AKAP7: variants seen among roughly 807,000 people sequenced by gnomAD.
AKAP7 encodes A kinase (PRKA) anchor protein 7.
A neutral mutation model predicts 39.5 loss-of-function variants in AKAP7; 39 were observed. The observed-to-expected ratio is 0.99, with a 90% CI of 0.76 to 1.29. AKAP7 has a LOEUF of 1.29. Among genes scored for constraint, AKAP7 ranks in the 50% most tolerant of loss-of-function variants. The pLI, the probability that AKAP7 is intolerant of heterozygous loss-of-function variation, is 0.00. For synonymous variants in AKAP7, 140 were observed against 139.1 expected (o/e 1.01, Z -0.05); for missense variants, 414 against 407.7 (o/e 1.02, Z -0.13).
chr6:131,248,960 T>C (rs1042434575), intron 7 of AKAP7, among the ~76,000 whole-genome samples: 1 of 152,226 alleles, frequency 6.6e-6, no homozygotes, highest in Non-Finnish European at 1.5e-5. Context: ...AAAAGTGGAA[T>C]TTTACTTAAA....
At chr6:131,238,866 GC>G (rs1461299646) in intron 7 of AKAP7, among the ~76,000 whole-genome samples, 1 of 152,128 alleles carries the variant, frequency 6.6e-6, no homozygotes, top group East Asian at 1.9e-4. Context: ...TATCCAATTT[GC>G]CAGTCCGTGT....
chr6:131,205,186 A>G (rs551702977), intron 6 of AKAP7, among the ~76,000 whole-genome samples: 13 of 152,298 alleles, frequency 8.5e-5, no homozygotes, highest in African/African-American at 3.1e-4. Flanking sequence ...TGATAAACCA[A>G]TTGAGATTTT....
chr6:131,220,133 C>T (rs1015551906), intron 7 of AKAP7, among the ~76,000 whole-genome samples: 7 of 152,138 alleles, frequency 4.6e-5, no homozygotes, highest in Non-Finnish European at 1.0e-4. Flanking sequence ...CAGGGAAGGC[C>T]TCCATGACCT....
chr6:131,232,799 A>G (rs1810735314), intron 7 of AKAP7, among the ~76,000 whole-genome samples: 1 of 152,128 alleles, frequency 6.6e-6, no homozygotes, highest in African/African-American at 2.4e-5. Context: ...CAAAAAAAGA[A>G]AAAAGAAAAT....
Position 131,246,970 on chromosome 6 carries a change from C to T in AKAP7, c.850+27162C>T, listed in dbSNP as rs189597030. Reference sequence around the variant, plus strand: ...CAGATCCCCTTATTGTCAATACTCTCCAAAAGATTTCACCCAAGTTACTTT... The same window carrying T: ...CAGATCCCCTTATTGTCAATACTCTTCAAAAGATTTCACCCAAGTTACTTT... On this transcript the variant is annotated intron_variant, in intron 7 of 7. Coordinates refer to ENST00000431975, the MANE Select transcript of AKAP7 (RefSeq NM_016377.4). 2.2e-4 allele frequency among the ~76,000 whole-genome samples: 34 copies of T among 152,026 alleles called. No individual in the cohort carries two copies. In the Middle Eastern group the frequency reaches 0.014, roughly 61 times the overall value.
chr6:131,241,627 G>GTGTGTGTATA, intron 7 of AKAP7, among the ~76,000 whole-genome samples: 19 of 86,670 alleles, frequency 2.2e-4, no homozygotes, highest in Admixed American at 1.1e-3. Context: ...GTGTGTGTGT[G>GTGTGTGTATA]TATATATATA....
intron 5 of AKAP7, among the ~76,000 whole-genome samples, chr6:131,191,844 T>TG (rs375625225): frequency 8.4e-4 from 122 of 144,656 alleles, no homozygotes; most frequent in African/African-American, 2.8e-3. Context: ...GTCCTCGTGG[T>TG]GTTTTTTTTT....
At chr6:131,264,554 G>A (rs1263423000) in intron 7 of AKAP7, among the ~76,000 whole-genome samples, 2 of 152,144 alleles carry the variant, frequency 1.3e-5, no homozygotes, top group East Asian at 3.8e-4. Context: ...GCTTACAGAA[G>A]TGTTTATCAG....
chr6:131,276,163 A>G (rs1193812962), intron 7 of AKAP7, among the ~76,000 whole-genome samples: 1 of 152,258 alleles, frequency 6.6e-6, no homozygotes. Flanking sequence ...TGAATCTAGA[A>G]TAAACCTTAC....
upstream of AKAP7, among the ~76,000 whole-genome samples, chr6:131,133,468 G>A (rs533666956): frequency 1.3e-5 from 2 of 152,302 alleles, no homozygotes; most frequent in South Asian, 4.1e-4. Context: ...ATTTCTAAAA[G>A]AAGCTCTGTG....
intron 5 of AKAP7, among the ~76,000 whole-genome samples, chr6:131,190,434 G>A (rs985785289): frequency 2.0e-5 from 3 of 152,060 alleles, no homozygotes; most frequent in Non-Finnish European, 4.4e-5. Flanking sequence ...CTTGAGGCCA[G>A]GAGTGCAAGA....
At chr6:131,276,263 G>T (rs1814729862) in intron 7 of AKAP7, among the ~76,000 whole-genome samples, 1 of 152,156 alleles carries the variant, frequency 6.6e-6, no homozygotes, top group Non-Finnish European at 1.5e-5. Flanking sequence ...ATTTTCTGGT[G>T]TGTATGTGTT....
chr6:131,225,100 C>T (rs1017000892), intron 7 of AKAP7, among the ~76,000 whole-genome samples: 1 of 151,986 alleles, frequency 6.6e-6, no homozygotes. Flanking sequence ...TTCTTTGCTT[C>T]ATGGATATTA....
intron 4 of AKAP7, among the ~76,000 whole-genome samples, chr6:131,167,040 G>A (rs1803576153): frequency 6.6e-6 from 1 of 152,052 alleles, no homozygotes; most frequent in Non-Finnish European, 1.5e-5. Flanking sequence ...AAATATATTA[G>A]GCTAAGCCCT....
At chr6:131,142,756 C>T (rs544602313) in intron 1 of AKAP7, among the ~76,000 whole-genome samples, 22 of 152,248 alleles carry the variant, frequency 1.4e-4, no homozygotes, top group Non-Finnish European at 2.5e-4. Flanking sequence ...GCAGCTTACA[C>T]CCTGAGCTTG....
chr6:131,169,130 T>C lies in AKAP7; in HGVS notation c.446T>C (p.Leu149Ser). Reference protein sequence around the residue: ...DEVNIGIDALLELKPFIEELL... With the variant: ...DEVNIGIDALSELKPFIEELL... ...CTTACTAGTGGTATTGATGCTCTTT[T>C]GGAATTGAAACCATTCATAGAAGAA... is the stretch of plus-strand genomic sequence containing the variant. The change falls in exon 5 of 8, where the codon TTG becomes TCG. Residue 149 changes from leucine to serine, a missense_variant. Coordinates refer to ENST00000431975, the MANE Select transcript of AKAP7 (RefSeq NM_016377.4). 1 of 1,611,730 alleles carries C rather than the reference T, an allele frequency of 6.2e-7. No individual in the cohort carries two copies. Among genetic ancestry groups the C allele is most frequent in the Non-Finnish European group, 8.5e-7 (1 of 1,178,024 alleles).
chr6:131,199,788 C>T (rs568874964), intron 6 of AKAP7, among the ~76,000 whole-genome samples: 7 of 152,296 alleles, frequency 4.6e-5, no homozygotes, highest in Admixed American at 3.9e-4. Context: ...GATGGCTGTT[C>T]TTGCATAGTC....
intron 3 of AKAP7, among the ~76,000 whole-genome samples, chr6:131,161,380 C>T (rs549674999): frequency 2.0e-5 from 3 of 152,052 alleles, no homozygotes; most frequent in Admixed American, 1.3e-4. Flanking sequence ...TGTGGTGGCT[C>T]ATGCCTGTAA....
chr6:131,215,668 A>G (rs1809107593), intron 6 of AKAP7, among the ~76,000 whole-genome samples: 1 of 152,272 alleles, frequency 6.6e-6, no homozygotes, highest in Admixed American at 6.5e-5. Flanking sequence ...CCATGCCAAT[A>G]TATAATGTTT....
Sources: gnomAD v4.1 joint callset for allele counts (sites outside exome capture counted in the v4.1 genomes callset) on GRCh38, gnomAD v4.1.1 for gene constraint, MANE v1.5 for transcripts, NCBI Gene and HGNC (gene_info 2026-07-23, HGNC 2026-07-21) for gene names.